Variants in CDC42BPA observed in about 807,000 individuals in gnomAD.
The protein encoded by CDC42BPA is serine/threonine-protein kinase MRCK alpha.
In CDC42BPA, 80 loss-of-function variants were observed where a neutral mutation model predicts 223.5. The ratio of observed to expected loss-of-function variants is 0.36; its 90% CI spans 0.30 to 0.43. The LOEUF (loss-of-function observed/expected upper bound fraction) is 0.43, where lower values mean the gene tolerates loss of function less well. CDC42BPA is among the 20% of genes least tolerant of loss of function. The pLI is 1.00. For synonymous variants in CDC42BPA, 694 were observed against 718.6 expected, an observed-to-expected ratio of 0.97 and a Z score of 0.55; for missense variants, 1,743 against 2,099.9, an observed-to-expected ratio of 0.83 and a Z score of 3.32.
chr1:227,230,805 C>CT (rs1677718383), intron 2 of CDC42BPA, among the ~76,000 whole-genome samples: 1 of 93,464 alleles, frequency 1.1e-5, no homozygotes, highest in South Asian at 3.8e-4. Context: ...ATTTCTATTT[C>CT]TTTTTTCTTT....
At chr1:227,274,472 G>A (rs1285084502) in intron 1 of CDC42BPA, among the ~76,000 whole-genome samples, 1 of 151,952 alleles carries the variant, frequency 6.6e-6, no homozygotes, top group Non-Finnish European at 1.5e-5. Flanking sequence ...CAACTAGAGG[G>A]GAAAATTAAA....
chr1:227,123,069 G>A (rs1196422066), intron 11 of CDC42BPA, among the ~76,000 whole-genome samples: 6 of 152,190 alleles, frequency 3.9e-5, no homozygotes, highest in South Asian at 2.1e-4. Context: ...TTGGGAGGCC[G>A]AGGCTGGCAG....
rs182277671 is a variant in CDC42BPA, at chr1:226,998,955, A to C, written c.4976-3975T>G. ...AACTTAAACAAATTTACAAGAAAAA[A>C]AACCAACCCCATCAAAAAGTGGGTG... On this transcript the variant is annotated intron_variant, in intron 35 of 36. Transcript: ENST00000366766. Among the ~76,000 whole-genome samples, 276 of 152,282 alleles carry C rather than the reference A, an allele frequency of 1.8e-3. 7 individuals carry two copies. The East Asian group carries it at 0.045, about 25-fold the overall frequency.
intron 16 of CDC42BPA, among the ~76,000 whole-genome samples, chr1:227,082,849 G>A (rs199596346): frequency 6.6e-6 from 1 of 151,318 alleles, no homozygotes; most frequent in East Asian, 1.9e-4. Context: ...TTTTACTATA[G>A]CACTTTTAGG....
chr1:227,214,471 C>A (rs1674485082), intron 2 of CDC42BPA, among the ~76,000 whole-genome samples: 1 of 152,084 alleles, frequency 6.6e-6, no homozygotes, highest in East Asian at 1.9e-4. Flanking sequence ...ATAAAGAGGG[C>A]TGTAATAAAG....
intron 21 of CDC42BPA, among the ~76,000 whole-genome samples, chr1:227,067,736 C>T (rs904088707): frequency 1.3e-5 from 2 of 152,102 alleles, no homozygotes; most frequent in African/African-American, 2.4e-5. Context: ...ACATCTAGAT[C>T]AAGAAGTTCC....
Position 227,034,772 on chromosome 1 carries a change from T to C in CDC42BPA, c.3359A>G (p.Lys1120Arg). 1 of 1,610,602 alleles carries C rather than the reference T, an allele frequency of 6.2e-7. No individual in the cohort carries two copies. The highest frequency in any genetic ancestry group is 8.5e-7 in the Non-Finnish European group (1 of 1,178,694). ...AGCCAGTGCTCTCTGCCACCCTTTC[T>C]TCACTCCAGCTGGCTTAGGAATCTT... Reference protein sequence around the residue: ...HVRIPKPAGVKKGWQRALAIV... With the variant: ...HVRIPKPAGVRKGWQRALAIV... The change falls in exon 26 of 37, where the codon AAG becomes AGG. Residue 1120 changes from lysine to arginine, a missense_variant. Physicochemically the swap from Lys to Arg is conservative, Grantham distance 26 (BLOSUM62 2). Transcript: ENST00000366766.
rs768226177 is a variant in CDC42BPA, at chr1:227,030,422, T to C, written c.3824A>G (p.His1275Arg). The C allele has an allele frequency of 6.3e-6, 10 of 1,597,360 alleles. No individual in the cohort carries two copies. Among genetic ancestry groups the C allele is most frequent in the African/African-American group, 5.4e-5 (4 of 74,130 alleles). ...LGNEEGLFVV[H>R]VTKDEIIRVG... ...TTTTCTCTTACCATCTTTGGTGACA[T>C]GTACAACAAATAACCCTTCTTCGTT... The change falls in exon 29 of 37, where the codon CAT becomes CGT. Residue 1275 changes from histidine (H) to arginine (R), a missense_variant. Transcript: ENST00000366766.
chr1:227,306,652 T>C (rs1405444844), intron 1 of CDC42BPA, among the ~76,000 whole-genome samples: 2 of 152,232 alleles, frequency 1.3e-5, no homozygotes, highest in African/African-American at 2.4e-5. Flanking sequence ...GGAAAAGCTT[T>C]ATGATATCAT....
intron 2 of CDC42BPA, among the ~76,000 whole-genome samples, chr1:227,240,362 T>G (rs1205665330): frequency 1.3e-5 from 2 of 152,124 alleles, no homozygotes; most frequent in East Asian, 3.8e-4. Flanking sequence ...AATTTATCTA[T>G]GTACTCAGTG....
At chr1:227,030,282 G>A in intron 29 of CDC42BPA, 126 bp downstream of exon 29, 1 of 627,494 alleles carries the variant, frequency 1.6e-6, no homozygotes, top group Non-Finnish European at 2.8e-6. Context: ...GTCAAATTAG[G>A]TCTGGAAAAT....
intron 24 of CDC42BPA, among the ~76,000 whole-genome samples, chr1:227,036,421 C>CTTTTTTTTTTTT (rs56254464): frequency 1.4e-5 from 1 of 71,130 alleles, no homozygotes; most frequent in Non-Finnish European, 2.6e-5. Context: ...CTTCAATTCA[C>CTTTTTTTTTTTT]TTTTTTTTTT....
chr1:227,317,082 A>G lies in CDC42BPA; in HGVS notation c.101T>C (p.Ile34Thr). The change falls in exon 1 of 37, where the codon ATA becomes ACA. Residue 34 changes from isoleucine to threonine, a missense_variant. Physicochemically the swap from Ile to Thr is moderately conservative, Grantham distance 89. Around this residue, in one of 6 missense-constraint regions of CDC42BPA, gnomAD observed 321 missense variants for 488.7 expected, o/e 0.66. Coordinates refer to ENST00000366766, the MANE Select transcript of CDC42BPA (RefSeq NM_001394014.1). ...QCFSVETLLD[I>T]LICLYDECNN... ...GCATTCATCATAAAGGCAGATGAGT[A>G]TATCCAGTAATGTCTCCACACTGAA... The G allele has an allele frequency of 6.2e-7, 1 of 1,613,916 alleles. No individual in the cohort carries two copies. The highest frequency in any genetic ancestry group is 8.5e-7 in the Non-Finnish European group (1 of 1,179,804).
chr1:227,119,487 T>C (rs951580230), intron 12 of CDC42BPA, among the ~76,000 whole-genome samples: 13 of 152,052 alleles, frequency 8.5e-5, no homozygotes, highest in Non-Finnish European at 1.3e-4. Flanking sequence ...ATTTTTTCTA[T>C]AGATGCTAAA....
intron 1 of CDC42BPA, among the ~76,000 whole-genome samples, chr1:227,288,565 G>A (rs949893975): frequency 7.9e-5 from 12 of 152,038 alleles, no homozygotes; most frequent in Non-Finnish European, 1.5e-4. Flanking sequence ...CGGGCGTGGT[G>A]CACACCTGTG....
At chr1:227,238,344 T>TA (rs964531197) in intron 2 of CDC42BPA, among the ~76,000 whole-genome samples, 1 of 143,982 alleles carries the variant, frequency 6.9e-6, no homozygotes, top group Non-Finnish European at 1.5e-5. Context: ...CCTGTCTCAT[T>TA]AAAAAAACAA....
intron 2 of CDC42BPA, among the ~76,000 whole-genome samples, chr1:227,252,874 T>C (rs2148263572): frequency 6.6e-6 from 1 of 152,222 alleles, no homozygotes; most frequent in East Asian, 1.9e-4. Flanking sequence ...ATAAGATCAA[T>C]AAAATTAAAT....
chr1:227,195,673 A>C (rs895925946), intron 4 of CDC42BPA, among the ~76,000 whole-genome samples: 2 of 146,124 alleles, frequency 1.4e-5, no homozygotes, highest in African/African-American at 5.1e-5. Context: ...TTCCTAATCT[A>C]TTCTGCTATG....
chr1:227,135,135 T>C (rs553361857), intron 10 of CDC42BPA, among the ~76,000 whole-genome samples: 24 of 152,272 alleles, frequency 1.6e-4, no homozygotes, highest in Admixed American at 1.2e-3. Context: ...GGCCTTTAAA[T>C]TGAGAGATAA....
Sources: gnomAD v4.1 joint callset for allele counts (sites outside exome capture counted in the v4.1 genomes callset) on GRCh38, gnomAD v4.1.1 for gene constraint, gnomAD v4.1.1 regional missense constraint, MANE v1.5 for transcripts, NCBI Gene and HGNC (gene_info 2026-07-23, HGNC 2026-07-21) for gene names.